The following CARMIL2 variants were observed in gnomAD, a reference collection of about 807,000 sequenced individuals.
CARMIL2 encodes the protein capping protein, Arp2/3 and myosin-I linker protein 2.
CARMIL2 carries 96 observed loss-of-function variants against 173.3 expected under a neutral mutation model. The ratio of observed to expected loss-of-function variants is 0.55; its 90% CI spans 0.47 to 0.66. The LOEUF (loss-of-function observed/expected upper bound fraction) is 0.66, where lower values mean the gene tolerates loss of function less well. Ranked by LOEUF, CARMIL2 falls within the 30% of genes least tolerant of loss-of-function variation. The pLI is 0.00. For missense variants in CARMIL2, 1,771 were observed against 1,906.7 expected, an observed-to-expected ratio of 0.93 and a Z score of 1.33; for synonymous variants, 830 against 817.1, an observed-to-expected ratio of 1.02 and a Z score of -0.27.
chr16:67,647,926 C>G lies in CARMIL2; in HGVS notation c.1039C>G (p.Pro347Ala), dbSNP rs372829897. 4.3e-6 allele frequency: 7 copies of G among 1,610,558 alleles called. No individual in the cohort carries two copies. The South Asian group carries it at 5.5e-5, about 13-fold the overall frequency. ...TLTHLDLSGNPGALGASEDSG... is the reference protein window; with the variant it reads ...TLTHLDLSGNAGALGASEDSG... ...GACCCACCTGGACCTTTCTGGGAAT[C>G]CTGGGGCGCTGGGGGCCTCCGAGGA... The change falls in exon 13 of 38, where the codon CCT becomes GCT. Residue 347 changes from proline (P) to alanine (A), a missense_variant. Coordinates refer to ENST00000334583, the MANE Select transcript of CARMIL2 (RefSeq NM_001013838.3).
chr16:67,647,232 G>A (rs1384955793), intron 9 of CARMIL2, 41 bp downstream of exon 9: 5 of 1,612,020 alleles, frequency 3.1e-6, no homozygotes, highest in Non-Finnish European at 4.2e-6. Flanking sequence ...GGCCAAGGGT[G>A]TGGGCCAGGG....
In CARMIL2 at chr16:67,647,906, A is replaced by T; in HGVS notation, c.1019A>T (p.His340Leu). ...TNAAFDSTLT[H>L]LDLSGNPGAL... Reference sequence around the variant, plus strand: ...GCCGCCTTCGACTCCACCCTGACCCACCTGGACCTTTCTGGGAATCCTGGG... The same window carrying T: ...GCCGCCTTCGACTCCACCCTGACCCTCCTGGACCTTTCTGGGAATCCTGGG... The change falls in exon 13 of 38, where the codon CAC (histidine) becomes CTC (leucine). Residue 340 changes from histidine (H) to leucine (L), a missense_variant. By Grantham distance (99) the His-to-Leu change is moderately conservative. Transcript: ENST00000334583. The T allele has an allele frequency of 6.2e-7, 1 of 1,611,348 alleles. No homozygotes were observed. The highest frequency in any genetic ancestry group is 1.7e-5 in the Admixed American group (1 of 59,812).
In CARMIL2 at chr16:67,648,223, A is replaced by C; in HGVS notation, c.1243A>C (p.Ser415Arg). Reference protein sequence around the residue: ...GLGPPAGVANSLPPQLFAAVS... With the variant: ...GLGPPAGVANRLPPQLFAAVS... ...CGGTCCCCCCGCGGGTGTAGCCAACAGCCTCCCCCCGCAGCTCTTCGCAGC... is the reference window on the plus strand; with the variant it reads ...CGGTCCCCCCGCGGGTGTAGCCAACCGCCTCCCCCCGCAGCTCTTCGCAGC... Residue 415 changes from serine (S) to arginine (R), a missense_variant, in exon 14 of 38, where the codon AGC becomes CGC. Ser to Arg is a moderately radical substitution (Grantham distance 110). Around this residue, in one of 3 missense-constraint regions of CARMIL2, gnomAD observed 944 missense variants for 975.6 expected, o/e 0.97. Transcript: ENST00000334583. This position sits in a 1 kb window ranked among gnomAD's most constrained non-coding sequence, Gnocchi z 6.1. 6.2e-7 allele frequency: 1 copy of C among 1,602,232 alleles called. No homozygotes were observed. Among genetic ancestry groups the C allele is most frequent in the South Asian group, 1.1e-5 (1 of 89,804 alleles).
chr16:67,647,857 C>T lies in CARMIL2; in HGVS notation c.970C>T (p.Leu324=), dbSNP rs745562454. 1.9e-6 allele frequency: 3 copies of T among 1,609,442 alleles called. No homozygotes were observed. The highest frequency in any genetic ancestry group is 1.7e-5 in the Admixed American group (1 of 59,670). The change falls in exon 13 of 38, where the codon CTG becomes TTG. Residue 324 remains leucine, a synonymous_variant. Coordinates refer to ENST00000334583, the MANE Select transcript of CARMIL2 (RefSeq NM_001013838.3). ...CGACCCACCACCAGGAATGAGGGCT[C>T]TGGGCCGGGCACTGGCCACCAATGC... The part of the protein sequence containing the change: ...TGLTPRGMRA[L]GRALATNAAF...
In CARMIL2 at chr16:67,651,621, G is replaced by T; in HGVS notation, c.2428-64G>T. 6.3e-7 allele frequency: 1 copy of T among 1,578,270 alleles called. No homozygotes were observed. ...GACTCAATATTCTGTTGGAGTTGGA[G>T]CCTCAAGCCAGCAGCCTGGTGTCTG... On this transcript the variant is annotated intron_variant, in intron 24 of 37. Coordinates refer to ENST00000334583, the MANE Select transcript of CARMIL2 (RefSeq NM_001013838.3). The surrounding 1 kb of genome is among the most constrained non-coding windows in gnomAD (Gnocchi z 4.2).
Position 67,647,135 on chromosome 16 carries a change from G to A in CARMIL2, c.631G>A (p.Ala211Thr). 1 of 1,613,810 alleles carries A rather than the reference G, an allele frequency of 6.2e-7. No individual in the cohort carries two copies. The highest frequency in any genetic ancestry group is 8.5e-7 in the Non-Finnish European group (1 of 1,179,866). The change falls in exon 9 of 38, where the codon GCT becomes ACT. Residue 211 changes from alanine (A) to threonine (T), a missense_variant. Ala to Thr is a moderately conservative substitution (Grantham distance 58, BLOSUM62 0). Transcript: ENST00000334583. ...CACCAGGGACCTGGCCTTGAGTGTGGCTGCCCTGTCCTACAACCTGTGGTT... is the reference window on the plus strand; with the variant it reads ...CACCAGGGACCTGGCCTTGAGTGTGACTGCCCTGTCCTACAACCTGTGGTT... ...LGSRDLALSVAALSYNLWFRC... is the reference protein window; with the variant it reads ...LGSRDLALSVTALSYNLWFRC...
At position 67,654,547 on chromosome 16, in the gene CARMIL2, A is replaced by G. The variant is rs1208971082; in HGVS notation, c.3437A>G (p.Glu1146Gly). The G allele has an allele frequency of 1.6e-5, 25 of 1,611,854 alleles. No homozygotes were observed. The Admixed American group carries it at 2.5e-4, about 16-fold the overall frequency. Residue 1146 changes from glutamate to glycine, a missense_variant, in exon 31 of 38, where the codon GAG becomes GGG. Coordinates refer to ENST00000334583, the MANE Select transcript of CARMIL2 (RefSeq NM_001013838.3). ...LRPPTRPSRGEELGGAEGDTS... is the reference protein window; with the variant it reads ...LRPPTRPSRGGELGGAEGDTS... ...CCGCCAACCCGTCCCAGCCGTGGTGAGGAGCTTGGTGGGGCTGAGGGGGAC... is the reference window on the plus strand; with the variant it reads ...CCGCCAACCCGTCCCAGCCGTGGTGGGGAGCTTGGTGGGGCTGAGGGGGAC...
rs576040264 is a variant in CARMIL2, at chr16:67,657,469, G to A, written c.4259G>A (p.Ser1420Asn). The A allele has an allele frequency of 1.5e-5, 24 of 1,611,638 alleles. 1 individual carries two copies. The highest frequency in any genetic ancestry group is 3.3e-4 in the Middle Eastern group (2 of 6,056). ...QPTEPSSPER[S>N]PPSPATDQRG... ...ACAGAGCCCTCCAGCCCTGAGCGGA[G>A]CCCACCCTCCCCAGCCACAGACCAA... The change falls in exon 38 of 38, where the codon AGC (serine) becomes AAC (asparagine). Residue 1420 changes from serine (S) to asparagine (N), a missense_variant. Around this residue, in one of 3 missense-constraint regions of CARMIL2, gnomAD observed 817 missense variants for 903.5 expected, o/e 0.90. Transcript: ENST00000334583. The surrounding 1 kb of genome is among the most constrained non-coding windows in gnomAD (Gnocchi z 4.5).
rs1471239886 is a variant in CARMIL2 at position 67,652,895 on chromosome 16, G to C, written c.2885-124G>C. 1.7e-5 allele frequency: 4 copies of C among 241,386 alleles called. No individual in the cohort carries two copies. The allele number at this position is 241,386 out of a possible 1,614,324, so 15.0% of individuals were successfully genotyped here. A position where few individuals can be genotyped will look rare whatever the true frequency, so the allele number is the denominator to read the frequency against. ...GGGAGGGGCGGAGGGGCAGAGGGGCGGGGGGACGGGCGGCGTAGCCGGGCC... is the reference window on the plus strand; with the variant it reads ...GGGAGGGGCGGAGGGGCAGAGGGGCCGGGGGACGGGCGGCGTAGCCGGGCC... On this transcript the variant is annotated intron_variant, in intron 28 of 37. Coordinates refer to ENST00000334583, the MANE Select transcript of CARMIL2 (RefSeq NM_001013838.3). The surrounding 1 kb of genome is among the most constrained non-coding windows in gnomAD (Gnocchi z 4.7).
intron 30 of CARMIL2, 31 bp from the exon 31 acceptor site, chr16:67,654,301 C>T (rs1035196711): frequency 1.3e-6 from 2 of 1,580,026 alleles, no homozygotes; most frequent in Non-Finnish European, 1.7e-6. Flanking sequence ...GCCTGATGGG[C>T]TTTCTCGCTC....
rs141278110 is a variant in CARMIL2 at position 67,647,645 on chromosome 16, A to T, written c.872-35A>T. ...GACCGCAGGGGTGGGCAGCAGGAGG[A>T]GGTGAGACCCACGTGGCTGTTCCCA... On this transcript the variant is annotated intron_variant, in intron 11 of 37. Transcript: ENST00000334583. 92 of 1,600,896 alleles carry T rather than the reference A, an allele frequency of 5.7e-5. No homozygotes were observed. In the African/African-American group the frequency reaches 8.8e-4, roughly 15 times the overall value.
chr16:67,646,030 T>G lies in CARMIL2; in HGVS notation c.199T>G (p.Phe67Val), dbSNP rs2052586665. 1 of 1,613,600 alleles carries G rather than the reference T, an allele frequency of 6.2e-7. No homozygotes were observed. The highest frequency in any genetic ancestry group is 1.7e-5 in the Admixed American group (1 of 59,994). The part of the protein sequence containing the change: ...TCLPLRVDCT[F>V]SYLEVQAMAL... ...AGGCCCTTTCTAGGTGGACTGCACGTTCAGCTACCTGGAGGTCCAGGCCAT... is the reference window on the plus strand; with the variant it reads ...AGGCCCTTTCTAGGTGGACTGCACGGTCAGCTACCTGGAGGTCCAGGCCAT... Residue 67 changes from phenylalanine (F) to valine (V), a missense_variant, in exon 4 of 38, where the codon TTC becomes GTC. Phe to Val is a conservative substitution (Grantham distance 50). Coordinates refer to ENST00000334583, the MANE Select transcript of CARMIL2 (RefSeq NM_001013838.3). This position sits in a 1 kb window ranked among gnomAD's most constrained non-coding sequence, Gnocchi z 4.6.
chr16:67,645,998 C>G lies in CARMIL2; in HGVS notation c.187-20C>G. ...GGCGGGGCTGGGGGCTTGGTCCCAG[C>G]TGATCTAGGCCCTTTCTAGGTGGAC... On this transcript the variant is annotated intron_variant, in intron 3 of 37. Transcript: ENST00000334583. 2 of 1,613,660 alleles carry G rather than the reference C, an allele frequency of 1.2e-6. No homozygotes were observed. Among genetic ancestry groups the G allele is most frequent in the Non-Finnish European group, 1.7e-6 (2 of 1,179,826 alleles).
chr16:67,648,189 G>A lies in CARMIL2; in HGVS notation c.1209G>A (p.Arg403=). 6.2e-7 allele frequency: 1 copy of A among 1,607,838 alleles called. No individual in the cohort carries two copies. The highest frequency in any genetic ancestry group is 8.5e-7 in the Non-Finnish European group (1 of 1,177,680). Residue 403 remains arginine (R), a synonymous_variant, in exon 14 of 38, where the codon CGG becomes CGA. Transcript: ENST00000334583. This position sits in a 1 kb window ranked among gnomAD's most constrained non-coding sequence, Gnocchi z 6.1. ...MTGRADWRAG[R]GGLGPPAGVA... ...GCAGGGCGGACTGGAGGGCGGGACG[G>A]GGAGGGCTCGGTCCCCCCGCGGGTG...
chr16:67,656,080 C>G lies in CARMIL2; in HGVS notation c.3742+13C>G, dbSNP rs760298734. On this transcript the variant is annotated intron_variant, in intron 33 of 37. Transcript: ENST00000334583. ...GCTGGCTCAGATGGTAAGTGGGACCCTGGGGTGTGGCAGTACATTTGCCAG... is the reference window on the plus strand; with the variant it reads ...GCTGGCTCAGATGGTAAGTGGGACCGTGGGGTGTGGCAGTACATTTGCCAG... The G allele has an allele frequency of 4.2e-5, 68 of 1,606,824 alleles. No homozygotes were observed. The highest frequency in any genetic ancestry group is 5.3e-5 in the Non-Finnish European group (62 of 1,176,666).
At chr16:67,654,297 T>C (rs1184821498) in intron 30 of CARMIL2, 35 bp from the exon 31 acceptor site, 2 of 1,580,274 alleles carry the variant, frequency 1.3e-6, no homozygotes, top group Admixed American at 1.8e-5. Flanking sequence ...GGATGCCTGA[T>C]GGGCTTTCTC....
rs1336299318 is a variant in CARMIL2, at chr16:67,648,410, C to A, written c.1347C>A (p.Ala449=). ...CCACTTCCCCCAGGAAGTCCCGCGC[C>A]GCGCCGGCCGCGCTGCAGCTCTTCC... ...RNVFSRTKSR[A]APAALQLFLS... The change falls in exon 15 of 38, where the codon GCC becomes GCA. Residue 449 remains alanine, a synonymous_variant. Coordinates refer to ENST00000334583, the MANE Select transcript of CARMIL2 (RefSeq NM_001013838.3). The surrounding 1 kb of genome is among the most constrained non-coding windows in gnomAD (Gnocchi z 6.1). 7 of 1,522,532 alleles carry A rather than the reference C, an allele frequency of 4.6e-6. No individual in the cohort carries two copies. The highest frequency in any genetic ancestry group is 1.4e-5 in the African/African-American group (1 of 71,982). 94.3% of individuals were successfully genotyped at this position (1,522,532 alleles called of 1,614,324 possible). A position where few individuals can be genotyped will look rare whatever the true frequency, so the allele number is the denominator to read the frequency against.
chr16:67,648,839 C>T lies in CARMIL2; in HGVS notation c.1510-54C>T. The T allele has an allele frequency of 6.4e-7, 1 of 1,572,708 alleles. No homozygotes were observed. Among genetic ancestry groups the T allele is most frequent in the Non-Finnish European group, 8.6e-7 (1 of 1,159,158 alleles). The stretch of plus-strand genomic sequence containing the variant: ...CAGGGCCGTGGGCCGCCTGCCCCTC[C>T]CCACTCGCGGCCTAAGTGGGTCCCA... On this transcript the variant is annotated intron_variant, in intron 16 of 37. Coordinates refer to ENST00000334583, the MANE Select transcript of CARMIL2 (RefSeq NM_001013838.3). This position sits in a 1 kb window ranked among gnomAD's most constrained non-coding sequence, Gnocchi z 6.1.
At chr16:67,655,323 T>C (rs2052820801) in intron 32 of CARMIL2, among the ~76,000 whole-genome samples, 1 of 152,140 alleles carries the variant, frequency 6.6e-6, no homozygotes, top group Admixed American at 6.5e-5. Flanking sequence ...TCCCAGCTAC[T>C]TGGGAGGGTG....
Sources: allele counts gnomAD v4.1 joint callset (sites outside exome capture counted in the v4.1 genomes callset), GRCh38; gene constraint gnomAD v4.1.1; regional missense constraint gnomAD v4.1.1; non-coding constraint Gnocchi (gnomAD v3.1); transcripts MANE v1.5; gene names NCBI Gene and HGNC (gene_info 2026-07-23, HGNC 2026-07-21).